Variants in DIP2C observed in about 807,000 individuals in gnomAD.
The protein encoded by DIP2C is disco-interacting protein 2 homolog C.
DIP2C carries 33 observed loss-of-function variants against 192.4 expected under a neutral mutation model. The ratio of observed to expected loss-of-function variants is 0.17; its 90% CI spans 0.13 to 0.23. The LOEUF (loss-of-function observed/expected upper bound fraction) is 0.23. Among genes scored for constraint, DIP2C ranks in the 10% least tolerant of loss-of-function variants. The pLI is 1.00. For missense variants in DIP2C, 1,537 were observed against 2,110.1 expected (o/e 0.73, Z 5.32); for synonymous variants, 979 against 864.1 (o/e 1.13, Z -2.33).
At chr10:397,256 G>A (rs1395066331) in intron 10 of DIP2C, among the ~76,000 whole-genome samples, 1 of 152,190 alleles carries the variant, frequency 6.6e-6, no homozygotes, top group East Asian at 1.9e-4. Context: ...GGGGCCAGGC[G>A]CAGTGGCTCA....
chr10:659,007 TCACACATG>T (rs932414853), intron 1 of DIP2C, among the ~76,000 whole-genome samples: 1 of 151,832 alleles, frequency 6.6e-6, no homozygotes, highest in Non-Finnish European at 1.5e-5. Context: ...ATACACACAT[TCACACATG>T]CACACACATT....
chr10:457,549 GATTAA>G (rs1969400718), intron 3 of DIP2C, among the ~76,000 whole-genome samples: 1 of 152,152 alleles, frequency 6.6e-6, no homozygotes, highest in African/African-American at 2.4e-5. Context: ...CAGATAGCAA[GATTAA>G]ATTCTTTTTT....
At chr10:370,205 T>C (rs189421320) in intron 17 of DIP2C, among the ~76,000 whole-genome samples, 32 of 152,342 alleles carry the variant, frequency 2.1e-4, no homozygotes, top group Middle Eastern at 3.4e-3. Context: ...AGGAAAACTA[T>C]TTGGGTGGCA....
chr10:302,797 G>T (rs1956112955), intron 32 of DIP2C, among the ~76,000 whole-genome samples: 2 of 152,160 alleles, frequency 1.3e-5, no homozygotes, highest in African/African-American at 4.8e-5. Context: ...ATAAAAAATG[G>T]TGCACCCATA....
intron 32 of DIP2C, among the ~76,000 whole-genome samples, chr10:289,219 G>A (rs1183553560): frequency 4.4e-5 from 6 of 135,920 alleles, no homozygotes; most frequent in African/African-American, 7.5e-5. Context: ...ACAGGGTGCG[G>A]GCAGGGGGCC....
intron 1 of DIP2C, among the ~76,000 whole-genome samples, chr10:627,455 G>A (rs577689094): frequency 1.2e-3 from 178 of 151,370 alleles, no homozygotes; most frequent in African/African-American, 3.6e-3. Flanking sequence ...GGAAAAAGCG[G>A]GCATCTTCTT....
chr10:291,932 G>C (rs549670880), intron 32 of DIP2C, among the ~76,000 whole-genome samples: 184 of 150,828 alleles, frequency 1.2e-3, no homozygotes, highest in Admixed American at 4.1e-3. Flanking sequence ...AGGACTCCAT[G>C]GGGGAGGGAG....
At chr10:522,669 C>T (rs541422049) in intron 1 of DIP2C, among the ~76,000 whole-genome samples, 1 of 152,366 alleles carries the variant, frequency 6.6e-6, no homozygotes, top group South Asian at 2.1e-4. Context: ...CCATCTGTGT[C>T]TCTTCTTTGT....
chr10:522,137 G>A (rs1006082642), intron 1 of DIP2C, among the ~76,000 whole-genome samples: 8 of 150,016 alleles, frequency 5.3e-5, no homozygotes, highest in Admixed American at 2.0e-4. Context: ...TACTGTCTCT[G>A]CAGTTGTGCC....
intron 1 of DIP2C, among the ~76,000 whole-genome samples, chr10:593,192 G>T (rs1851500831): frequency 1.3e-5 from 2 of 151,950 alleles, no homozygotes; most frequent in South Asian, 2.1e-4. Context: ...GACACTCACT[G>T]GGTTTCCATC....
intron 1 of DIP2C, among the ~76,000 whole-genome samples, chr10:554,010 C>A (rs943995055): frequency 3.4e-5 from 5 of 148,550 alleles, no homozygotes; most frequent in Admixed American, 1.3e-4. Flanking sequence ...AGAAATATAC[C>A]TCATAGGAAA....
At position 305,882 on chromosome 10, in the gene DIP2C, A is replaced by G. The variant is rs1442443343; in HGVS notation, c.3986+4149T>C. The stretch of plus-strand genomic sequence containing the variant: ...GCTGCCCTCAAACCTCTTGGGCTCC[A>G]GTGATTCTCCTGCCTTGGCCTCCCA... On this transcript the variant is annotated intron_variant, in intron 32 of 36. Transcript: ENST00000280886. 2.6e-5 allele frequency among the ~76,000 whole-genome samples: 4 copies of G among 151,928 alleles called. No homozygotes were observed. The East Asian group carries it at 7.7e-4, about 29-fold the overall frequency.
intron 3 of DIP2C, among the ~76,000 whole-genome samples, chr10:472,054 T>C (rs776160970): frequency 2.0e-5 from 3 of 152,200 alleles, no homozygotes; most frequent in African/African-American, 7.2e-5. Flanking sequence ...CATAACAATG[T>C]ATGGTTTTCA....
rs72774514 is a variant in DIP2C, at chr10:474,712, T to C, written c.158-2163A>G. On this transcript the variant is annotated intron_variant, in intron 2 of 36. Coordinates refer to ENST00000280886, the MANE Select transcript of DIP2C (RefSeq NM_014974.3). ...CCCACACATCCGAAAGTGCTTCTCT[T>C]TCTACCCCAGTGAGACCGAGTCTTT... 3.0e-3 allele frequency among the ~76,000 whole-genome samples: 450 copies of C among 152,338 alleles called. 2 individuals are homozygous for C. Among genetic ancestry groups the C allele is most frequent in the East Asian group, 6.2e-3 (32 of 5,188 alleles).
chr10:394,432 G>A (rs1205104485), intron 10 of DIP2C, among the ~76,000 whole-genome samples: 2 of 152,096 alleles, frequency 1.3e-5, no homozygotes, highest in African/African-American at 4.8e-5. Flanking sequence ...ATCACACAGT[G>A]GGTGCTATTC....
At position 277,028 on chromosome 10, in the gene DIP2C, A is replaced by G; in HGVS notation, c.*297T>C. On this transcript the variant is annotated 3_prime_UTR_variant, in exon 37 of 37. Transcript: ENST00000280886. ...TACCACATTTACGAAGAAAGCACTT[A>G]TTATCCAATAATTAAAAAAGAAAGA... is the stretch of plus-strand genomic sequence containing the variant. The G allele has an allele frequency of 3.1e-6, 1 of 318,488 alleles. No individual in the cohort carries two copies. The highest frequency in any genetic ancestry group is 5.8e-6 in the Non-Finnish European group (1 of 173,390). The allele number at this position is 318,488 out of a possible 1,614,324, so 19.7% of individuals were successfully genotyped here.
rs571627109 is a variant in DIP2C, at chr10:665,665, T to G, written c.85+23829A>C. On this transcript the variant is annotated intron_variant, in intron 1 of 36. Coordinates refer to ENST00000280886, the MANE Select transcript of DIP2C (RefSeq NM_014974.3). ...CGGACTGGGACATCGTCCTCCACCCTCCAGAACCAAACGCTACGCGAAACC... is the reference window on the plus strand; with the variant it reads ...CGGACTGGGACATCGTCCTCCACCCGCCAGAACCAAACGCTACGCGAAACC... 4 of 152,274 alleles carry G rather than the reference T, an allele frequency of 2.6e-5. No homozygotes were observed. In the East Asian group the frequency reaches 7.7e-4, roughly 29 times the overall value. The allele number at this position is 152,274 out of a possible 1,614,324, so 9.4% of individuals were successfully genotyped here. A position where few individuals can be genotyped will look rare whatever the true frequency, so the allele number is the denominator to read the frequency against.
chr10:629,239 C>G (rs1270595860), intron 1 of DIP2C, among the ~76,000 whole-genome samples: 1 of 152,186 alleles, frequency 6.6e-6, no homozygotes, highest in East Asian at 1.9e-4. Flanking sequence ...ATTAATTCTC[C>G]TCATGGTCCC....
rs751114503 is a variant in DIP2C at position 384,059 on chromosome 10, C to T, written c.1844G>A (p.Arg615Gln). ...DQRDINLSSLRMLIVADGANP... is the reference protein window; with the variant it reads ...DQRDINLSSLQMLIVADGANP... ...CGCGCCGTCCGCCACTATCAGCATTCGCAGAGAGGAGAGGTTGATGTCTCT... is the reference window on the plus strand; with the variant it reads ...CGCGCCGTCCGCCACTATCAGCATTTGCAGAGAGGAGAGGTTGATGTCTCT... Residue 615 changes from arginine to glutamine, a missense_variant, in exon 16 of 37, where the codon CGA becomes CAA. By Grantham distance (43) the Arg-to-Gln change is conservative. Around this residue, in one of 4 missense-constraint regions of DIP2C, gnomAD observed 677 missense variants for 989.9 expected, o/e 0.68. Coordinates refer to ENST00000280886, the MANE Select transcript of DIP2C (RefSeq NM_014974.3). 41 of 1,609,742 alleles carry T rather than the reference C, an allele frequency of 2.5e-5. No individual in the cohort carries two copies. The highest frequency in any genetic ancestry group is 3.1e-5 in the Non-Finnish European group (37 of 1,178,830).
Sources: gnomAD v4.1 joint callset for allele counts (sites outside exome capture counted in the v4.1 genomes callset) on GRCh38, gnomAD v4.1.1 for gene constraint, gnomAD v4.1.1 regional missense constraint, MANE v1.5 for transcripts, NCBI Gene and HGNC (gene_info 2026-07-23, HGNC 2026-07-21) for gene names.